NOX4: variants seen among roughly 807,000 people sequenced by gnomAD.
The protein encoded by NOX4 is kidney oxidase-1.
Under a neutral mutation model 87.6 loss-of-function variants are expected in NOX4, and 69 were observed. The ratio of observed to expected loss-of-function variants is 0.79; its 90% confidence interval spans 0.65 to 0.96. The LOEUF is 0.96. NOX4 is among the 40% of genes least tolerant of loss of function. NOX4 has a pLI of 0.00. For synonymous variants in NOX4, 275 were observed against 238.2 expected (o/e 1.15, Z -1.42); for missense variants, 680 against 681.5 (o/e 1.00, Z 0.02).
the NOX4 span, among the ~76,000 whole-genome samples, chr11:89,581,684 T>G: frequency 6.6e-6 from 1 of 152,088 alleles, no homozygotes; most frequent in Non-Finnish European, 1.5e-5. Context: ...TATTACTGCT[T>G]TTTTTAAAAA....
chr11:89,544,555 T>G, the NOX4 span, among the ~76,000 whole-genome samples: 2 of 152,168 alleles, frequency 1.3e-5, no homozygotes, highest in Non-Finnish European at 2.9e-5. Context: ...CTTAACATAC[T>G]GACAATAATA....
At chr11:89,379,648 T>C (rs1271312409) in intron 11 of NOX4, among the ~76,000 whole-genome samples, 3 of 152,122 alleles carry the variant, frequency 2.0e-5, no homozygotes, top group Non-Finnish European at 4.4e-5. Flanking sequence ...GAACCTCCTC[T>C]CCAACCCCAA....
At chr11:89,536,628 TAACACTACTTC>T in the NOX4 span, among the ~76,000 whole-genome samples, 1 of 152,228 alleles carries the variant, frequency 6.6e-6, no homozygotes, top group Non-Finnish European at 1.5e-5. Flanking sequence ...TAAATATTAT[TAACACTACTTC>T]CATTGCCAGT....
chr11:89,434,157 G>A (rs972206574), intron 6 of NOX4, among the ~76,000 whole-genome samples: 3 of 152,056 alleles, frequency 2.0e-5, no homozygotes, highest in Non-Finnish European at 4.4e-5. Flanking sequence ...GACACCTTGT[G>A]TACAATGTAA....
At position 89,405,229 on chromosome 11, in the gene NOX4, T is replaced by G. The variant is rs137985883; in HGVS notation, c.630-2687A>C. On this transcript the variant is annotated intron_variant, in intron 8 of 17. Transcript: ENST00000263317. The stretch of plus-strand genomic sequence containing the variant: ...ATAACTCTACCATGCTCTAGGTCCT[T>G]AGAGTAGTGAATGTTGTTACTATAC... Among the ~76,000 whole-genome samples the G allele has an allele frequency of 3.0e-4, 46 of 152,094 alleles. No homozygotes were observed. The East Asian group carries it at 8.9e-3, about 30-fold the overall frequency.
chr11:89,556,186 T>C, the NOX4 span, among the ~76,000 whole-genome samples: 1 of 152,004 alleles, frequency 6.6e-6, no homozygotes, highest in Admixed American at 6.6e-5. Context: ...ATTGAATAAA[T>C]AAATGATCAT....
intron 17 of NOX4, among the ~76,000 whole-genome samples, chr11:89,334,256 G>A (rs193197308): frequency 1.4e-3 from 206 of 151,814 alleles, no homozygotes; most frequent in African/African-American, 4.2e-3. Context: ...TAAGATGGGT[G>A]ATACTGGAGA....
chr11:89,436,973 C>T (rs1169441450), intron 6 of NOX4, among the ~76,000 whole-genome samples: 1 of 152,000 alleles, frequency 6.6e-6, no homozygotes, highest in African/African-American at 2.4e-5. Context: ...TTTGTCAATA[C>T]TAGATTCCAT....
chr11:89,330,255 G>A (rs141147545), intron 17 of NOX4, among the ~76,000 whole-genome samples: 84 of 152,130 alleles, frequency 5.5e-4, no homozygotes, highest in African/African-American at 2.0e-3. Context: ...AAACTGAGGT[G>A]GGAAGAGCTC....
At chr11:89,391,595 A>T (rs1941128576) in intron 11 of NOX4, among the ~76,000 whole-genome samples, 1 of 151,868 alleles carries the variant, frequency 6.6e-6, no homozygotes, top group Non-Finnish European at 1.5e-5. Context: ...ATCTCTACAC[A>T]ATTTTTTAAA....
Position 89,487,243 on chromosome 11 carries a change from G to A in NOX4, c.153+3215C>T, listed in dbSNP as rs74411971. 7.1e-3 allele frequency among the ~76,000 whole-genome samples: 1,076 copies of A among 152,246 alleles called. 15 individuals are homozygous for A. The highest frequency in any genetic ancestry group is 0.025 in the African/African-American group (1,029 of 41,552). On this transcript the variant is annotated intron_variant, in intron 2 of 17. Transcript: ENST00000263317. ...TTCCTCAGCCCATATTTCCTTGTATGTAAAACAGAGAGAACAGTTTCCCAG... is the reference window on the plus strand; with the variant it reads ...TTCCTCAGCCCATATTTCCTTGTATATAAAACAGAGAGAACAGTTTCCCAG...
chr11:89,361,731 C>A lies in NOX4; in HGVS notation c.1136-6688G>T, dbSNP rs147606795. Among the ~76,000 whole-genome samples, 628 of 152,186 alleles carry A rather than the reference C, an allele frequency of 4.1e-3. 5 individuals are homozygous for A. The highest frequency in any genetic ancestry group is 0.014 in the African/African-American group (601 of 41,538). Reference sequence around the variant, plus strand: ...GACTATTCTGGTTTATTCCTGCTGTCCTAGCATCCTGCTCCATTTCATATT... The same window carrying A: ...GACTATTCTGGTTTATTCCTGCTGTACTAGCATCCTGCTCCATTTCATATT... On this transcript the variant is annotated intron_variant, in intron 12 of 17. Coordinates refer to ENST00000263317, the MANE Select transcript of NOX4 (RefSeq NM_016931.5).
At chr11:89,416,902 A>G (rs1473449538) in intron 8 of NOX4, among the ~76,000 whole-genome samples, 4 of 152,198 alleles carry the variant, frequency 2.6e-5, no homozygotes, top group Non-Finnish European at 5.9e-5. Flanking sequence ...GGTATCATTC[A>G]TATAATAAAA....
the NOX4 span, among the ~76,000 whole-genome samples, chr11:89,532,712 T>C: frequency 6.6e-6 from 1 of 152,186 alleles, no homozygotes; most frequent in Non-Finnish European, 1.5e-5. Flanking sequence ...CAGAATGATA[T>C]GATTTTGTTC....
At chr11:89,367,914 T>C (rs572986329) in intron 12 of NOX4, among the ~76,000 whole-genome samples, 1 of 152,022 alleles carries the variant, frequency 6.6e-6, no homozygotes, top group Non-Finnish European at 1.5e-5. Context: ...AGCTATTTTT[T>C]CTCCGTGGAA....
intron 8 of NOX4, among the ~76,000 whole-genome samples, chr11:89,416,389 C>G (rs949773398): frequency 2.6e-5 from 4 of 152,186 alleles, no homozygotes; most frequent in Non-Finnish European, 5.9e-5. Context: ...GCTTTTCCCT[C>G]TGCCACATCA....
At chr11:89,434,749 T>A (rs1351312266) in intron 6 of NOX4, among the ~76,000 whole-genome samples, 1 of 151,732 alleles carries the variant, frequency 6.6e-6, no homozygotes, top group Non-Finnish European at 1.5e-5. Context: ...GTGGTACTTA[T>A]CTGTACCTGG....
the NOX4 span, among the ~76,000 whole-genome samples, chr11:89,558,544 A>G: frequency 6.6e-6 from 1 of 152,052 alleles, no homozygotes; most frequent in Non-Finnish European, 1.5e-5. Context: ...ACTAGTGCCC[A>G]CCTCTTCTGT....
At chr11:89,359,866 A>G (rs178436) in intron 12 of NOX4, among the ~76,000 whole-genome samples, 2 of 152,110 alleles carry the variant, frequency 1.3e-5, no homozygotes, top group Non-Finnish European at 2.9e-5. Flanking sequence ...CCTAAACAAA[A>G]GGTACTTGAA....
Sources: allele counts gnomAD v4.1 joint callset (sites outside exome capture counted in the v4.1 genomes callset), GRCh38; gene constraint gnomAD v4.1.1; transcripts MANE v1.5; gene names NCBI Gene and HGNC (gene_info 2026-07-23, HGNC 2026-07-21).